The following NOL9 variants were observed in gnomAD, a reference collection of about 807,000 sequenced individuals.
NOL9 encodes nucleolar protein 9.
Under a neutral mutation model 67.9 loss-of-function variants are expected in NOL9, and 28 were observed. That is an observed-to-expected ratio of 0.41 (90% CI 0.31 to 0.57). The LOEUF is 0.57. Ranked by LOEUF, NOL9 falls within the 20% of genes least tolerant of loss-of-function variation. The pLI is 0.25. For missense variants in NOL9, 777 were observed against 897.0 expected, an observed-to-expected ratio of 0.87 and a Z score of 1.71; for synonymous variants, 356 against 352.2, an observed-to-expected ratio of 1.01 and a Z score of -0.12.
rs41278018 is a variant in NOL9, at chr1:6,525,798, G to C, written c.*56C>G. ...ACTCCATCATGTCTCTTGTGGTCAG[G>C]CTTGAGACAAAGCTTTCTGGTAGGA... On this transcript the variant is annotated 3_prime_UTR_variant, in exon 12 of 12. Coordinates refer to ENST00000377705, the MANE Select transcript of NOL9 (RefSeq NM_024654.5). 14 of 1,589,304 alleles carry C rather than the reference G, an allele frequency of 8.8e-6. No individual in the cohort carries two copies. Among genetic ancestry groups the C allele is most frequent in the Non-Finnish European group, 1.2e-5 (14 of 1,158,580 alleles).
intron 6 of NOL9, 94 bp downstream of exon 6, chr1:6,541,736 A>T: frequency 1.5e-6 from 1 of 647,712 alleles, no homozygotes; most frequent in Non-Finnish European, 2.4e-6. Context: ...GTTCCCTTTT[A>T]ATATTTTATA....
intron 1 of NOL9, among the ~76,000 whole-genome samples, chr1:6,553,444 G>C (rs1639588571): frequency 6.6e-6 from 1 of 152,082 alleles, no homozygotes. Flanking sequence ...AAGAGAGCTG[G>C]ATGTTTAAAT....
rs1287698159 is a variant in NOL9, at chr1:6,541,010, C to CTTTTTTTTTTTTTTTTTTTT, written c.1075+819_1075+820insAAAAAAAAAAAAAAAAAAAA. ...ATAAAATCTGTAGACTGGTTAACAG[C>CTTTTTTTTTTTTTTTTTTTT]GTTTTTTTTTTTTTTTTTTTTTTTG... is the stretch of plus-strand genomic sequence containing the variant. On this transcript the variant is annotated intron_variant, in intron 6 of 11. Transcript: ENST00000377705. The CTTTTTTTTTTTTTTTTTTTT allele has an allele frequency of 3.2e-4, 40 of 123,092 alleles. 18 individuals carry two copies. Among genetic ancestry groups the CTTTTTTTTTTTTTTTTTTTT allele is most frequent in the Non-Finnish European group, 4.3e-4 (26 of 60,462 alleles). 7.6% of individuals were successfully genotyped at this position (123,092 alleles called of 1,614,324 possible). A position where few individuals can be genotyped will look rare whatever the true frequency, so the allele number is the denominator to read the frequency against.
At position 6,534,051 on chromosome 1, in the gene NOL9, C is replaced by T. The variant is rs188114777; in HGVS notation, c.1076-610G>A. 4.2e-3 allele frequency among the ~76,000 whole-genome samples: 643 copies of T among 152,200 alleles called. 3 individuals carry two copies. Among genetic ancestry groups the T allele is most frequent in the African/African-American group, 0.015 (623 of 41,520 alleles). On this transcript the variant is annotated intron_variant, in intron 6 of 11. Coordinates refer to ENST00000377705, the MANE Select transcript of NOL9 (RefSeq NM_024654.5). ...TACAGGCATGTGCCACCATGCCCGG[C>T]TTATTTTGTATTTTTAGTAGAGACG...
At chr1:6,551,651 C>T (rs1382877985) in intron 1 of NOL9, among the ~76,000 whole-genome samples, 1 of 151,584 alleles carries the variant, frequency 6.6e-6, no homozygotes, top group Non-Finnish European at 1.5e-5. Flanking sequence ...AAGGCTGCAG[C>T]CATAAAAAGG....
At chr1:6,526,607 A>C (rs560748105) in intron 11 of NOL9, 89 bp downstream of exon 11, 1 of 1,335,434 alleles carries the variant, frequency 7.5e-7, no homozygotes, top group African/African-American at 1.5e-5. Flanking sequence ...CAGATCACCC[A>C]TTCCCATGAC....
intron 7 of NOL9, among the ~76,000 whole-genome samples, chr1:6,533,030 C>A (rs1639069352): frequency 6.6e-6 from 1 of 152,170 alleles, no homozygotes; most frequent in Non-Finnish European, 1.5e-5. Context: ...CAAAAATTAG[C>A]TGGGCAGAGT....
chr1:6,532,832 C>T, intron 7 of NOL9, 72 bp from the exon 8 acceptor site: 1 of 1,355,928 alleles, frequency 7.4e-7, no homozygotes. Context: ...GTGACATGCT[C>T]CTACGACAAA....
intron 2 of NOL9, 152 bp from the exon 3 acceptor site, chr1:6,549,850 G>T: frequency 2.3e-6 from 2 of 856,946 alleles, no homozygotes; most frequent in Non-Finnish European, 1.8e-6. Context: ...TACATACTAA[G>T]AACACATCTG....
Position 6,533,394 on chromosome 1 carries a change from CATAAT to C in NOL9, c.1118_1122del (p.Tyr373TrpfsTer6). 6.2e-7 allele frequency: 1 copy of C among 1,612,560 alleles called. No homozygotes were observed. ...TAGTTGTTTTTACAAGAAGGTTTCC[CATAAT>C]ATACCATCTTCTGTGGAGTCCTCAG... On this transcript the variant is annotated frameshift_variant, in exon 7 of 12. Coordinates refer to ENST00000377705, the MANE Select transcript of NOL9 (RefSeq NM_024654.5). LOFTEE classifies it high-confidence loss of function.
At position 6,531,003 on chromosome 1, in the gene NOL9, C is replaced by T. The variant is rs550578377; in HGVS notation, c.1647+965G>A. Among the ~76,000 whole-genome samples the T allele has an allele frequency of 1.8e-4, 27 of 152,268 alleles. No individual in the cohort carries two copies. The South Asian group carries it at 5.2e-3, about 29-fold the overall frequency. On this transcript the variant is annotated intron_variant, in intron 9 of 11. Transcript: ENST00000377705. Reference sequence around the variant, plus strand: ...TAAAATGGGGATAATAACAGGACCACGGTAAGTAGTGGAGTTACACAGGCT... The same window carrying T: ...TAAAATGGGGATAATAACAGGACCATGGTAAGTAGTGGAGTTACACAGGCT...
intron 1 of NOL9, among the ~76,000 whole-genome samples, chr1:6,552,802 C>T (rs569183717): frequency 6.6e-6 from 1 of 152,006 alleles, no homozygotes; most frequent in Non-Finnish European, 1.5e-5. Context: ...TTCTTTTCCC[C>T]TCCCTCCTTC....
chr1:6,532,040 C>T lies in NOL9; in HGVS notation c.1575G>A (p.Leu525=). The T allele has an allele frequency of 6.2e-7, 1 of 1,614,162 alleles. No homozygotes were observed. The highest frequency in any genetic ancestry group is 1.1e-5 in the South Asian group (1 of 91,086). Residue 525 remains leucine (L), a synonymous_variant, in exon 9 of 12, where the codon TTG becomes TTA. Coordinates refer to ENST00000377705, the MANE Select transcript of NOL9 (RefSeq NM_024654.5). The stretch of plus-strand genomic sequence containing the variant: ...GGGGCTGCAGCTGGCTAAGGTAACT[C>T]AAGATGGACAGATCTCGAAGAATTT... The part of the protein sequence containing the change: ...HNKILRDLSI[L]SYLSQLQPPM...
In NOL9 at chr1:6,549,619, T is replaced by A; in HGVS notation, c.696A>T (p.Val232=). Residue 232 remains valine, a synonymous_variant, in exon 3 of 12, where the codon GTA becomes GTT. Transcript: ENST00000377705. The stretch of plus-strand genomic sequence containing the variant: ...AACCCGGATAGCTGGTTATGAAGTT[T>A]ACAGTGGCAGTTTTCAGATGTTCTA... ...VLLEHLKTAT[V]NFITSYPGSS... 6.2e-7 allele frequency: 1 copy of A among 1,614,202 alleles called. No individual in the cohort carries two copies. Among genetic ancestry groups the A allele is most frequent in the South Asian group, 1.1e-5 (1 of 91,088 alleles).
chr1:6,550,174 G>A (rs532859886), intron 2 of NOL9, among the ~76,000 whole-genome samples: 57 of 152,270 alleles, frequency 3.7e-4, no homozygotes, highest in African/African-American at 1.3e-3. Flanking sequence ...TGGGACTACA[G>A]GCGCCTGCCA....
In NOL9 at chr1:6,532,579, T is replaced by G. The variant is rs988941333; in HGVS notation, c.1419A>C (p.Ala473=). Residue 473 remains alanine, a synonymous_variant, in exon 8 of 12, where the codon GCA becomes GCC. Coordinates refer to ENST00000377705, the MANE Select transcript of NOL9 (RefSeq NM_024654.5). The part of the protein sequence containing the change: ...KMRNRRFRLA[A]FADALEFADE... Reference sequence around the variant, plus strand: ...CAGCAAATTCCAAAGCATCTGCAAATGCTGCGAGTCTGAAACGTCGATTTC... The same window carrying G: ...CAGCAAATTCCAAAGCATCTGCAAAGGCTGCGAGTCTGAAACGTCGATTTC... 1.2e-6 allele frequency: 2 copies of G among 1,614,098 alleles called. No individual in the cohort carries two copies. The highest frequency in any genetic ancestry group is 2.7e-5 in the African/African-American group (2 of 74,928).
In NOL9 at chr1:6,544,976, A is replaced by T. The variant is rs376754874; in HGVS notation, c.881-54T>A. 1.1e-4 allele frequency: 172 copies of T among 1,614,100 alleles called. 1 individual carries two copies. In the East Asian group the frequency reaches 1.8e-3, roughly 17 times the overall value. Reference sequence around the variant, plus strand: ...GAATTAGCCGTCTTCCTTGGACTCGAATTATGACTAATCTTCCTCTGGGGG... The same window carrying T: ...GAATTAGCCGTCTTCCTTGGACTCGTATTATGACTAATCTTCCTCTGGGGG... On this transcript the variant is annotated intron_variant, in intron 4 of 11. Transcript: ENST00000377705.
intron 6 of NOL9, among the ~76,000 whole-genome samples, chr1:6,540,201 C>T (rs868271802): frequency 6.7e-6 from 1 of 148,270 alleles, no homozygotes; most frequent in Non-Finnish European, 1.5e-5. Flanking sequence ...CAGCTCACTG[C>T]AAGCTCCGCC....
chr1:6,536,756 G>A (rs923893695), intron 6 of NOL9, among the ~76,000 whole-genome samples: 1 of 152,136 alleles, frequency 6.6e-6, no homozygotes, highest in Non-Finnish European at 1.5e-5. Flanking sequence ...GGTGGAGGAT[G>A]CAGTGAGCTG....
Sources: gnomAD v4.1 joint callset for allele counts (sites outside exome capture counted in the v4.1 genomes callset) on GRCh38, gnomAD v4.1.1 for gene constraint, MANE v1.5 for transcripts, NCBI Gene and HGNC (gene_info 2026-07-23, HGNC 2026-07-21) for gene names.